The following DACT2 variants were observed in gnomAD, a reference collection of about 807,000 sequenced individuals.
DACT2 encodes dishevelled binding antagonist of beta catenin 2.
In DACT2, 20 loss-of-function variants were observed where a neutral mutation model predicts 22.2. That is an observed-to-expected ratio of 0.90 (90% CI 0.63 to 1.31). The LOEUF (loss-of-function observed/expected upper bound fraction) is 1.31. Ranked by LOEUF, DACT2 falls within the 50% of genes most tolerant of loss-of-function variation. The pLI is 0.00. For missense variants in DACT2, 1,048 were observed against 1,061.4 expected (o/e 0.99, Z 0.18); for synonymous variants, 463 against 479.8 (o/e 0.96, Z 0.46).
At chr6:168,294,693 C>T (rs764412741) in exon 4 of DACT2, 18 of 1,497,600 alleles carry the variant, frequency 1.2e-5, no homozygotes, top group East Asian at 5.2e-5. Flanking sequence ...TCACCTGGAG[C>T]ATTGCACAGC....
At chr6:168,295,204 C>T (rs1251419439) in intron 3 of DACT2, among the ~76,000 whole-genome samples, 2 of 152,232 alleles carry the variant, frequency 1.3e-5, no homozygotes, top group Non-Finnish European at 2.9e-5. Context: ...GAATTCACAG[C>T]TCAATATTGG....
chr6:168,318,099 A>G (rs112388640), intron 1 of DACT2, among the ~76,000 whole-genome samples: 9,523 of 89,686 alleles, frequency 0.11, 729 homozygotes, highest in Middle Eastern at 0.17. Context: ...CCCATCACAT[A>G]TGTGTAACAC....
chr6:168,319,347 C>T, intron 1 of DACT2, 41 bp downstream of exon 1: 1 of 1,191,014 alleles, frequency 8.4e-7, no homozygotes, highest in Admixed American at 4.5e-5. Context: ...GCCTGTGGCC[C>T]GCACACCTCG....
intron 1 of DACT2, among the ~76,000 whole-genome samples, chr6:168,316,060 GT>G (rs1418615920): frequency 6.6e-6 from 1 of 152,184 alleles, no homozygotes; most frequent in East Asian, 1.9e-4. Flanking sequence ...AAGTCTGCGT[GT>G]TCCTTCTGGT....
intron 4 of DACT2, chr6:168,294,285 TG>T (rs1169315130): frequency 1.4e-6 from 1 of 701,264 alleles, no homozygotes; most frequent in East Asian, 2.7e-5. Flanking sequence ...GCCGTTTCAC[TG>T]GGGCTAGGTG....
At chr6:168,299,471 AAGGATATTTGAC>A (rs1779065089) in intron 3 of DACT2, 2 of 152,216 alleles carry the variant, frequency 1.3e-5, no homozygotes, top group African/African-American at 4.8e-5. Context: ...GTTAAATAAA[AAGGATATTTGAC>A]AGTGAATAAA....
chr6:168,309,775 A>G (rs1238372405), intron 3 of DACT2, among the ~76,000 whole-genome samples: 1 of 152,240 alleles, frequency 6.6e-6, no homozygotes, highest in Admixed American at 6.5e-5. Context: ...CTTTGGAGAC[A>G]GTCTGAAGAC....
chr6:168,314,030 G>A (rs1779488484), intron 1 of DACT2, among the ~76,000 whole-genome samples: 1 of 148,246 alleles, frequency 6.7e-6, no homozygotes, highest in Non-Finnish European at 1.5e-5. Flanking sequence ...AACCCCGACC[G>A]CTGTCCCGAA....
In DACT2 at chr6:168,309,158, T is replaced by A. The variant is rs77691861; in HGVS notation, c.659-60A>T. ...CGGAGACGATTTAGTGCACTGTTGA[T>A]TTCATTTCATGCGTGGCAGCTGGGA... On this transcript the variant is annotated intron_variant, in intron 3 of 3. Coordinates refer to ENST00000366795, the MANE Select transcript of DACT2 (RefSeq NM_214462.5). The A allele has an allele frequency of 3.0e-3, 4,287 of 1,448,500 alleles. 108 individuals are homozygous for A. The African/African-American group carries it at 0.054, about 18-fold the overall frequency. The allele number at this position is 1,448,500 out of a possible 1,614,324, so 89.7% of individuals were successfully genotyped here. A position where few individuals can be genotyped will look rare whatever the true frequency, so the allele number is the denominator to read the frequency against.
At position 168,294,633 on chromosome 6, in the gene DACT2, C is replaced by A. The variant is rs964585286; in HGVS notation, c.730G>T (p.Gly244Cys). ...TATAAAGAAGAACATCCTTCCCTAC[C>A]TGTCAGTGAACTGGAGGTGCAGCCT... The change falls in exon 4 of 6, where the codon GGT becomes TGT. Residue 244 changes from glycine to cysteine, a missense_variant and splice_region_variant. By Grantham distance (159) the Gly-to-Cys change is radical. Coordinates refer to the DACT2 transcript ENST00000366796. 2.7e-5 allele frequency: 39 copies of A among 1,440,504 alleles called. No individual in the cohort carries two copies. The East Asian group carries it at 6.1e-4, about 22-fold the overall frequency. The allele number at this position is 1,440,504 out of a possible 1,614,324, so 89.2% of individuals were successfully genotyped here.
At chr6:168,319,319 C>A in intron 1 of DACT2, 69 bp downstream of exon 1, 1 of 1,168,178 alleles carries the variant, frequency 8.6e-7, no homozygotes, top group Non-Finnish European at 1.1e-6. Context: ...AACACACAGT[C>A]GCTGCCGAAG....
downstream of DACT2, among the ~76,000 whole-genome samples, chr6:168,302,669 C>T (rs982547272): frequency 6.6e-6 from 1 of 152,200 alleles, no homozygotes; most frequent in South Asian, 2.1e-4. Flanking sequence ...TAAGGAGCCC[C>T]AGTGCTCAGG....
intron 1 of DACT2, among the ~76,000 whole-genome samples, chr6:168,313,203 C>T (rs1181426827): frequency 6.6e-6 from 1 of 152,130 alleles, no homozygotes; most frequent in Non-Finnish European, 1.5e-5. Flanking sequence ...GCCACCATGC[C>T]CAGCTAAGTT....
chr6:168,307,229 C>T lies in DACT2; in HGVS notation c.*203G>A. On this transcript the variant is annotated 3_prime_UTR_variant, in exon 4 of 4. Transcript: ENST00000366795. This position sits in a 1 kb window ranked among gnomAD's most constrained non-coding sequence, Gnocchi z 5.3. ...AGGCTGCTGGCATCTGAAACCAGAG[C>T]TCCGCATGGAAGTCTTTGCTGGGGC... 1.3e-5 allele frequency: 18 copies of T among 1,408,720 alleles called. No homozygotes were observed. The highest frequency in any genetic ancestry group is 1.6e-5 in the Non-Finnish European group (17 of 1,086,680). 87.3% of individuals were successfully genotyped at this position (1,408,720 alleles called of 1,614,324 possible).
chr6:168,296,307 T>G lies in DACT2; in HGVS notation c.659-1603A>C, dbSNP rs1205881051. Among the ~76,000 whole-genome samples, 3 of 110,786 alleles carry G rather than the reference T, an allele frequency of 2.7e-5. No homozygotes were observed. In the Admixed American group the frequency reaches 3.1e-4, roughly 11 times the overall value. 72.7% of individuals were successfully genotyped at this position (110,786 alleles called of 152,430 possible). ...CAGGCACCCAGAATCAGGGAAAGAG[T>G]GGATCCATCCACAGTGGTGAGAAGA... On this transcript the variant is annotated intron_variant, in intron 3 of 5. Transcript: ENST00000366796.
rs79931308 is a variant in DACT2 at position 168,308,207 on chromosome 6, A to G, written c.1550T>C (p.Leu517Pro). ...VLRFARQPLL[L>P]LDRPEGAHAA... The stretch of plus-strand genomic sequence containing the variant: ...ATGGGCTCCCTCAGGCCTGTCCAGT[A>G]GAAGCAGCGGCTGCCTTGCAAACCT... Residue 517 changes from leucine (L) to proline (P), a missense_variant, in exon 4 of 4, where the codon CTA becomes CCA. By Grantham distance (98) the Leu-to-Pro change is moderately conservative. Coordinates refer to ENST00000366795, the MANE Select transcript of DACT2 (RefSeq NM_214462.5). 20,622 of 1,551,772 alleles carry G rather than the reference A, an allele frequency of 0.013. 892 individuals are homozygous for G. Among genetic ancestry groups the G allele is most frequent in the African/African-American group, 0.12 (8,816 of 73,114 alleles).
chr6:168,314,989 C>A (rs999184339), intron 1 of DACT2, among the ~76,000 whole-genome samples: 3 of 152,190 alleles, frequency 2.0e-5, no homozygotes, highest in Non-Finnish European at 4.4e-5. Context: ...TCTCACCCTG[C>A]CTCCCTTGGT....
chr6:168,310,936 A>T (rs1453021842), intron 2 of DACT2, among the ~76,000 whole-genome samples: 2 of 152,212 alleles, frequency 1.3e-5, no homozygotes, highest in African/African-American at 4.8e-5. Flanking sequence ...TTAAAAAAAT[A>T]AGAGCGAGGT....
chr6:168,307,145 G>A lies in DACT2; in HGVS notation c.*287C>T. ...GAGGATGACAACATGGAAACAAGGT[G>A]CATGCCGGGAAGCAGCATCCTGGGC... On this transcript the variant is annotated 3_prime_UTR_variant, in exon 4 of 4. Coordinates refer to ENST00000366795, the MANE Select transcript of DACT2 (RefSeq NM_214462.5). This position sits in a 1 kb window ranked among gnomAD's most constrained non-coding sequence, Gnocchi z 5.3. The A allele has an allele frequency of 3.2e-6, 4 of 1,235,884 alleles. No homozygotes were observed. Among genetic ancestry groups the A allele is most frequent in the African/African-American group, 1.6e-5 (1 of 64,242 alleles). The allele number at this position is 1,235,884 out of a possible 1,614,324, so 76.6% of individuals were successfully genotyped here.
Sources: allele counts gnomAD v4.1 joint callset (sites outside exome capture counted in the v4.1 genomes callset), GRCh38; gene constraint gnomAD v4.1.1; non-coding constraint Gnocchi (gnomAD v3.1); transcripts MANE v1.5; gene names NCBI Gene and HGNC (gene_info 2026-07-23, HGNC 2026-07-21).